Variants in COL21A1 observed in about 807,000 individuals in gnomAD.
COL21A1 encodes collagen alpha-1(XXI) chain.
In COL21A1, 149 loss-of-function variants were observed where a neutral mutation model predicts 137.9. The ratio of observed to expected loss-of-function variants is 1.08; its 90% CI spans 0.95 to 1.24. The LOEUF is 1.24. Ranked by LOEUF, COL21A1 falls within the 50% of genes most tolerant of loss-of-function variation. The pLI is 0.00. For synonymous variants in COL21A1, 456 were observed against 391.5 expected (o/e 1.16, Z -1.95); for missense variants, 1,167 against 1,158.4 (o/e 1.01, Z -0.11).
intron 17 of COL21A1, among the ~76,000 whole-genome samples, chr6:56,090,949 T>C (rs757519598): frequency 2.0e-4 from 30 of 152,172 alleles, no homozygotes; most frequent in South Asian, 8.3e-4. Flanking sequence ...TACAAATCTG[T>C]ACAAAAGACT....
chr6:56,278,219 C>T (rs1344095118), intron 1 of COL21A1, among the ~76,000 whole-genome samples: 1 of 152,118 alleles, frequency 6.6e-6, no homozygotes, highest in Non-Finnish European at 1.5e-5. Context: ...GCATTAGACC[C>T]GCTTTATTCA....
intron 1 of COL21A1, among the ~76,000 whole-genome samples, chr6:56,295,658 T>A (rs1417925695): frequency 6.6e-6 from 1 of 151,990 alleles, no homozygotes; most frequent in African/African-American, 2.4e-5. Context: ...TTTGGACATA[T>A]TCTGTAAAAT....
At chr6:56,164,275 A>G (rs1776400444) in intron 9 of COL21A1, 148 bp downstream of exon 9, 2 of 606,756 alleles carry the variant, frequency 3.3e-6, no homozygotes, top group South Asian at 2.4e-5. Context: ...GTTTTTCTAG[A>G]AAAAAAATGA....
intron 1 of COL21A1, among the ~76,000 whole-genome samples, chr6:56,392,362 A>T (rs1581806342): frequency 6.6e-6 from 1 of 152,174 alleles, no homozygotes; most frequent in African/African-American, 2.4e-5. Context: ...TAAAAGCCAT[A>T]TATGACAAAC....
rs370697652 is a variant in COL21A1, at chr6:56,116,396, TAAAAAAAA to T, written c.1758+7658_1758+7665del. The stretch of plus-strand genomic sequence containing the variant: ...CATGACATTTTTTAAGTGCCAAAGG[TAAAAAAAA>T]AAAAAAAAAAAAAAAAAAAACTTTA... On this transcript the variant is annotated intron_variant, in intron 16 of 29. Transcript: ENST00000244728. Among the ~76,000 whole-genome samples the T allele has an allele frequency of 7.2e-4, 65 of 90,836 alleles. 1 individual carries two copies. Among genetic ancestry groups the T allele is most frequent in the Non-Finnish European group, 9.9e-4 (48 of 48,646 alleles). 59.6% of individuals were successfully genotyped at this position (90,836 alleles called of 152,430 possible).
At chr6:56,293,333 T>C (rs1764096575) in intron 1 of COL21A1, among the ~76,000 whole-genome samples, 1 of 152,194 alleles carries the variant, frequency 6.6e-6, no homozygotes. Flanking sequence ...CTCACATGTT[T>C]TATGAGTCAT....
At chr6:56,168,407 C>G in intron 5 of COL21A1, 110 bp from the exon 6 acceptor site, 1 of 832,948 alleles carries the variant, frequency 1.2e-6, no homozygotes, top group Non-Finnish European at 1.7e-6. Context: ...TCATCCCACA[C>G]AGACTGACTG....
At chr6:56,197,356 A>G (rs1011137822) in intron 1 of COL21A1, among the ~76,000 whole-genome samples, 1 of 152,170 alleles carries the variant, frequency 6.6e-6, no homozygotes, top group Non-Finnish European at 1.5e-5. Flanking sequence ...AAAATAAACA[A>G]GTGGGACTAC....
At chr6:56,215,844 T>C (rs546032344) in intron 1 of COL21A1, among the ~76,000 whole-genome samples, 10 of 152,216 alleles carry the variant, frequency 6.6e-5, no homozygotes, top group Admixed American at 5.2e-4. Context: ...TTTTCCTGAA[T>C]ACTTATAATG....
At chr6:56,116,396 T>TAAAAAAAA (rs370697652) in intron 16 of COL21A1, among the ~76,000 whole-genome samples, 4 of 90,834 alleles carry the variant, frequency 4.4e-5, no homozygotes, top group Non-Finnish European at 6.2e-5. Flanking sequence ...GTGCCAAAGG[T>TAAAAAAAA]AAAAAAAAAA....
intron 3 of COL21A1, among the ~76,000 whole-genome samples, chr6:56,178,304 A>C (rs1290694049): frequency 1.3e-5 from 2 of 152,148 alleles, no homozygotes; most frequent in Non-Finnish European, 2.9e-5. Flanking sequence ...GATAAATGTC[A>C]ACAAAATCTA....
chr6:56,279,648 C>T (rs1303574421), intron 1 of COL21A1, among the ~76,000 whole-genome samples: 3 of 152,272 alleles, frequency 2.0e-5, no homozygotes, highest in African/African-American at 7.2e-5. Context: ...AAAATAAAAG[C>T]TGCATTCATT....
At chr6:56,098,720 T>TATATAAATATATATATAA (rs1770119568) in intron 17 of COL21A1, among the ~76,000 whole-genome samples, 2 of 109,990 alleles carry the variant, frequency 1.8e-5, no homozygotes, top group African/African-American at 3.6e-5. Flanking sequence ...TATATATAAA[T>TATATAAATATATATATAA]ATATATATAT....
At chr6:56,258,771 T>G (rs539412823) in intron 1 of COL21A1, among the ~76,000 whole-genome samples, 1 of 152,346 alleles carries the variant, frequency 6.6e-6, no homozygotes, top group South Asian at 2.1e-4. Flanking sequence ...GGAATCTTCA[T>G]ATCTTAACTC....
chr6:56,070,255 T>C (rs1014580959), intron 21 of COL21A1, among the ~76,000 whole-genome samples: 1 of 151,538 alleles, frequency 6.6e-6, no homozygotes, highest in African/African-American at 2.4e-5. Flanking sequence ...TGTACTTACT[T>C]CCTAGCCATC....
rs557552865 is a variant in COL21A1 at position 56,087,485 on chromosome 6, G to A, written c.1813-9912C>T. Reference sequence around the variant, plus strand: ...CTGGAGACATTGTCTAATATCAAAAGAACTTTAAAATGCAGTCCCTTACTA... The same window carrying A: ...CTGGAGACATTGTCTAATATCAAAAAAACTTTAAAATGCAGTCCCTTACTA... On this transcript the variant is annotated intron_variant, in intron 17 of 29. Transcript: ENST00000244728. Among the ~76,000 whole-genome samples, 4 of 152,224 alleles carry A rather than the reference G, an allele frequency of 2.6e-5. No individual in the cohort carries two copies. In the South Asian group the frequency reaches 8.3e-4, roughly 32 times the overall value.
intron 12 of COL21A1, among the ~76,000 whole-genome samples, chr6:56,140,199 T>C (rs1389234452): frequency 1.3e-5 from 2 of 152,330 alleles, no homozygotes; most frequent in East Asian, 3.9e-4. Flanking sequence ...TTAAAGCATT[T>C]AAAGTATTTT....
In COL21A1 at chr6:56,278,174, A is replaced by G. The variant is rs571313030; in HGVS notation, c.-38-95518T>C. Among the ~76,000 whole-genome samples the G allele has an allele frequency of 5.3e-5, 8 of 152,268 alleles. No homozygotes were observed. In the South Asian group the frequency reaches 1.2e-3, roughly 24 times the overall value. ...CAGAAACGCTCATCTTTCCTTTCCC[A>G]TAAGAATTCTTACCACCATTATCCA... is the stretch of plus-strand genomic sequence containing the variant. On this transcript the variant is annotated intron_variant, in intron 1 of 28. Coordinates refer to the COL21A1 transcript ENST00000370819.
At chr6:56,242,385 T>C (rs1782381559) in intron 1 of COL21A1, among the ~76,000 whole-genome samples, 1 of 152,164 alleles carries the variant, frequency 6.6e-6, no homozygotes, top group African/African-American at 2.4e-5. Context: ...CAAACTTCGC[T>C]AGAACATTTT....
Sources: allele counts gnomAD v4.1 joint callset (sites outside exome capture counted in the v4.1 genomes callset), GRCh38; gene constraint gnomAD v4.1.1; transcripts MANE v1.5; gene names NCBI Gene and HGNC (gene_info 2026-07-23, HGNC 2026-07-21).